The following ITPR1 variants were observed in gnomAD, a reference collection of about 807,000 sequenced individuals.
The protein encoded by ITPR1 is inositol 1,4,5-trisphosphate-gated calcium channel ITPR1.
In ITPR1, 96 loss-of-function variants were observed where a neutral mutation model predicts 318.4. The ratio of observed to expected loss-of-function variants is 0.30; its 90% CI spans 0.26 to 0.36. The LOEUF (loss-of-function observed/expected upper bound fraction) is 0.36, where lower values mean the gene tolerates loss of function less well. Among genes scored for constraint, ITPR1 ranks in the 10% least tolerant of loss-of-function variants. The probability of loss-of-function intolerance (pLI) is 1.00; values close to 1 mark genes in which losing one functional copy is unlikely to be tolerated. For synonymous variants in ITPR1, 1,312 were observed against 1,289.9 expected (o/e 1.02, Z -0.37); for missense variants, 2,440 against 3,460.2 (o/e 0.71, Z 7.40).
chr3:4,569,858 A>C (rs931329345), intron 4 of ITPR1, among the ~76,000 whole-genome samples: 1 of 152,240 alleles, frequency 6.6e-6, no homozygotes, highest in Non-Finnish European at 1.5e-5. Context: ...GAATGCATTT[A>C]TGCATATTTA....
intron 4 of ITPR1, among the ~76,000 whole-genome samples, chr3:4,563,444 G>A (rs1292903316): frequency 6.6e-6 from 1 of 152,158 alleles, no homozygotes; most frequent in Non-Finnish European, 1.5e-5. Flanking sequence ...GGGAGATCGA[G>A]GCTGCAGTGA....
chr3:4,591,376 G>T (rs750205331), intron 4 of ITPR1, among the ~76,000 whole-genome samples: 2 of 152,130 alleles, frequency 1.3e-5, no homozygotes, highest in East Asian at 3.9e-4. Flanking sequence ...TCTCCACAAC[G>T]TTGCCAGCAT....
In ITPR1 at chr3:4,655,919, C is replaced by G. The variant is rs77660315; in HGVS notation, c.996+2033C>G. On this transcript the variant is annotated intron_variant, in intron 12 of 61. Transcript: ENST00000649015. ...TGTTAGTACTGGGAGGACCCCACCCCCCTCATACTCTTCTTGGTTTGGAAA... is the reference window on the plus strand; with the variant it reads ...TGTTAGTACTGGGAGGACCCCACCCGCCTCATACTCTTCTTGGTTTGGAAA... 2.1e-4 allele frequency among the ~76,000 whole-genome samples: 32 copies of G among 152,310 alleles called. 1 individual carries two copies. In the East Asian group the frequency reaches 5.2e-3, roughly 25 times the overall value.
chr3:4,629,340 C>T (rs547792252), intron 5 of ITPR1, among the ~76,000 whole-genome samples: 34 of 152,224 alleles, frequency 2.2e-4, no homozygotes, highest in Middle Eastern at 3.4e-3. Context: ...CTTTGTGTCT[C>T]AGCCGAAGTG....
At chr3:4,749,685 C>T (rs201889933) in intron 44 of ITPR1, 2 of 152,462 alleles carry the variant, frequency 1.3e-5, no homozygotes, top group South Asian at 2.1e-4. Flanking sequence ...TTCACCAGCA[C>T]CTGTAACGTT....
At chr3:4,814,608 GTGGTTGGT>G in intron 58 of ITPR1, 46 bp downstream of exon 58, 2 of 1,159,010 alleles carry the variant, frequency 1.7e-6, no homozygotes, top group East Asian at 2.9e-5. Flanking sequence ...GGCGGGTGGG[GTGGTTGGT>G]GGGAGCACCA....
intron 53 of ITPR1, among the ~76,000 whole-genome samples, chr3:4,796,333 T>A (rs570233197): frequency 6.6e-6 from 1 of 151,956 alleles, no homozygotes; most frequent in South Asian, 2.1e-4. Flanking sequence ...GAAACATGAA[T>A]GCCCGTGTCT....
In ITPR1 at chr3:4,674,191, T is replaced by G; in HGVS notation, c.2457-11T>G. On this transcript the variant is annotated splice_polypyrimidine_tract_variant and intron_variant, in intron 21 of 61. Transcript: ENST00000649015. The stretch of plus-strand genomic sequence containing the variant: ...GAAATTTTGTTTCCTTTCTTTCTCC[T>G]TTCTTTTCAGCTATGATAGTAGTGG... 6.5e-7 allele frequency: 1 copy of G among 1,532,816 alleles called. No homozygotes were observed. Among genetic ancestry groups the G allele is most frequent in the Non-Finnish European group, 8.8e-7 (1 of 1,142,244 alleles). 95.0% of individuals were successfully genotyped at this position (1,532,816 alleles called of 1,614,324 possible).
chr3:4,550,317 C>G (rs184940524), intron 4 of ITPR1, among the ~76,000 whole-genome samples: 1 of 152,198 alleles, frequency 6.6e-6, no homozygotes, highest in African/African-American at 2.4e-5. Context: ...CAGGTGACAG[C>G]AAATGGGCAT....
At position 4,693,692 on chromosome 3, in the gene ITPR1, C is replaced by T. The variant is rs1574891274; in HGVS notation, c.4232C>T (p.Pro1411Leu). The change falls in exon 33 of 62, where the codon CCG becomes CTG. Residue 1411 changes from proline to leucine, a missense_variant. Pro to Leu is a moderately conservative substitution (Grantham distance 98). Around this residue, in one of 23 missense-constraint regions of ITPR1, gnomAD observed 222 missense variants for 318.8 expected, o/e 0.70. Coordinates refer to ENST00000649015, the MANE Select transcript of ITPR1 (RefSeq NM_001378452.1). ...YTEIKCNSLL[P>L]LDDIVRVVTH... ...GAGATCAAGTGCAACTCCCTGCTCC[C>T]GCTGGATGACATCGTTCGCGTGGTG... 2.5e-6 allele frequency: 4 copies of T among 1,614,006 alleles called. No individual in the cohort carries two copies. Among genetic ancestry groups the T allele is most frequent in the African/African-American group, 1.3e-5 (1 of 75,054 alleles).
rs530710692 is a variant in ITPR1 at position 4,641,800 on chromosome 3, C to G, written c.367-293C>G. Among the ~76,000 whole-genome samples, 8 of 152,370 alleles carry G rather than the reference C, an allele frequency of 5.3e-5. No individual in the cohort carries two copies. In the East Asian group the frequency reaches 1.3e-3, roughly 26 times the overall value. On this transcript the variant is annotated intron_variant, in intron 6 of 61. Transcript: ENST00000649015. ...CATAGGGCTAGGTCCACCCCACTGACGGATGGCAGGTTATGATGGCACAGT... is the reference window on the plus strand; with the variant it reads ...CATAGGGCTAGGTCCACCCCACTGAGGGATGGCAGGTTATGATGGCACAGT...
intron 4 of ITPR1, among the ~76,000 whole-genome samples, chr3:4,589,624 T>C (rs1293249065): frequency 6.6e-6 from 1 of 152,114 alleles, no homozygotes; most frequent in East Asian, 1.9e-4. Flanking sequence ...CTTTCTACCA[T>C]GGCTGGAGCT....
chr3:4,500,605 G>T (rs2080946409), intron 2 of ITPR1, among the ~76,000 whole-genome samples: 2 of 152,122 alleles, frequency 1.3e-5, no homozygotes, highest in African/African-American at 4.8e-5. Context: ...CTTAAAACTT[G>T]AATTTCCTAG....
chr3:4,580,504 A>C (rs1241247945), intron 4 of ITPR1, among the ~76,000 whole-genome samples: 1 of 152,200 alleles, frequency 6.6e-6, no homozygotes, highest in Non-Finnish European at 1.5e-5. Flanking sequence ...CTAGTCATCT[A>C]ATCTCCTAAT....
intron 18 of ITPR1, 92 bp from the exon 19 acceptor site, chr3:4,669,562 T>C (rs2094027519): frequency 7.9e-7 from 1 of 1,268,910 alleles, no homozygotes; most frequent in Non-Finnish European, 1.1e-6. Context: ...GGTAAAGGTA[T>C]GTTGGACCTG....
At chr3:4,761,849 A>G (rs2045473955) in intron 44 of ITPR1, among the ~76,000 whole-genome samples, 1 of 152,200 alleles carries the variant, frequency 6.6e-6, no homozygotes, top group Admixed American at 6.5e-5. Context: ...TTCCCCACCC[A>G]AGCCCTGCAA....
At chr3:4,651,739 G>C (rs114996812) in intron 10 of ITPR1, among the ~76,000 whole-genome samples, 1 of 152,222 alleles carries the variant, frequency 6.6e-6, no homozygotes, top group African/African-American at 2.4e-5. Flanking sequence ...ACAGGCCTGC[G>C]TGTGTGTTCT....
Position 4,800,495 on chromosome 3 carries a change from C to T in ITPR1, c.7002C>T (p.Ala2334=), listed in dbSNP as rs558654768. The T allele has an allele frequency of 6.8e-6, 11 of 1,614,012 alleles. No homozygotes were observed. The African/African-American group carries it at 9.3e-5, about 14-fold the overall frequency. Residue 2334 remains alanine, a synonymous_variant, in exon 54 of 62, where the codon GCC becomes GCT. Coordinates refer to ENST00000649015, the MANE Select transcript of ITPR1 (RefSeq NM_001378452.1). ...TCATCTCTCTGGCCATCGTCATTGC[C>T]CTCCCCAAGCCCCATGGCATCCGGG... ...AMLISLAIVI[A]LPKPHGIRAL...
intron 54 of ITPR1, among the ~76,000 whole-genome samples, chr3:4,805,823 T>C (rs1487307627): frequency 6.6e-6 from 1 of 152,246 alleles, no homozygotes; most frequent in Non-Finnish European, 1.5e-5. Context: ...AATCTCAGTA[T>C]GTGTTAATTT....
Sources: gnomAD v4.1 joint callset for allele counts (sites outside exome capture counted in the v4.1 genomes callset) on GRCh38, gnomAD v4.1.1 for gene constraint, gnomAD v4.1.1 regional missense constraint, MANE v1.5 for transcripts, NCBI Gene and HGNC (gene_info 2026-07-23, HGNC 2026-07-21) for gene names.